Variants in PDE10A observed in about 807,000 individuals in gnomAD.
PDE10A encodes the protein cAMP and cAMP-inhibited cGMP 3',5'-cyclic phosphodiesterase 10A.
PDE10A carries 39 observed loss-of-function variants against 97.7 expected under a neutral mutation model. The ratio of observed to expected loss-of-function variants is 0.40; its 90% CI spans 0.31 to 0.52. The LOEUF is 0.52. Ranked by LOEUF, PDE10A falls within the 20% of genes least tolerant of loss-of-function variation. The pLI is 0.56. For synonymous variants in PDE10A, 371 were observed against 376.8 expected (o/e 0.98, Z 0.18); for missense variants, 731 against 1,047.8 (o/e 0.70, Z 4.17).
intron 1 of PDE10A, among the ~76,000 whole-genome samples, chr6:165,601,121 G>C (rs1361672411): frequency 6.6e-6 from 1 of 152,168 alleles, no homozygotes; most frequent in Non-Finnish European, 1.5e-5. Context: ...TAGAGAATAA[G>C]TCTCATGAAA....
intron 2 of PDE10A, among the ~76,000 whole-genome samples, chr6:165,521,150 T>C (rs1374080045): frequency 6.6e-6 from 1 of 152,182 alleles, no homozygotes; most frequent in Non-Finnish European, 1.5e-5. Context: ...TGATCTTTGA[T>C]GATATTACTG....
At chr6:165,547,361 A>T (rs139933191) in intron 1 of PDE10A, among the ~76,000 whole-genome samples, 12 of 152,256 alleles carry the variant, frequency 7.9e-5, no homozygotes, top group African/African-American at 2.9e-4. Flanking sequence ...AGACTGAATG[A>T]TCAGGGTAAG....
intron 1 of PDE10A, among the ~76,000 whole-genome samples, chr6:165,757,405 T>C (rs1425102097): frequency 6.6e-6 from 1 of 152,196 alleles, no homozygotes; most frequent in Non-Finnish European, 1.5e-5. Flanking sequence ...TATGTATTAA[T>C]CATACATTTT....
intron 1 of PDE10A, among the ~76,000 whole-genome samples, chr6:165,958,585 GAAAGA>G (rs1784242186): frequency 1.0e-5 from 1 of 99,400 alleles, no homozygotes. Flanking sequence ...AAGAAAGACA[GAAAGA>G]GAGAAAGAAA....
At chr6:165,427,530 T>A (rs946587915) in intron 10 of PDE10A, among the ~76,000 whole-genome samples, 1 of 152,130 alleles carries the variant, frequency 6.6e-6, no homozygotes, top group South Asian at 2.1e-4. Flanking sequence ...GGGTATCAAG[T>A]TGCTTTATGA....
At chr6:165,839,769 TC>T (rs758960960) in intron 1 of PDE10A, among the ~76,000 whole-genome samples, 148 of 61,344 alleles carry the variant, frequency 2.4e-3, no homozygotes, top group Admixed American at 7.0e-3. Flanking sequence ...CCTGTCTCCA[TC>T]CCCATCTGCA....
chr6:165,590,678 TCAG>T (rs1786201403), intron 1 of PDE10A, among the ~76,000 whole-genome samples: 1 of 152,024 alleles, frequency 6.6e-6, no homozygotes, highest in South Asian at 2.1e-4. Context: ...GATCACGAGA[TCAG>T]CAGATCGAGA....
At chr6:165,517,445 A>T (rs1373080954) in intron 2 of PDE10A, among the ~76,000 whole-genome samples, 1 of 152,216 alleles carries the variant, frequency 6.6e-6, no homozygotes, top group Non-Finnish European at 1.5e-5. Flanking sequence ...GAAATCTCTC[A>T]TTCTAAAGTA....
At chr6:165,398,929 C>A (rs515698) in intron 13 of PDE10A, among the ~76,000 whole-genome samples, 36,785 of 151,930 alleles carry the variant, frequency 0.24, 6,620 homozygotes, top group African/African-American at 0.51. Flanking sequence ...ATACTGCTTA[C>A]AAGAATTCTA....
chr6:165,645,660 C>G (rs1039522191), intron 1 of PDE10A, among the ~76,000 whole-genome samples: 1 of 151,862 alleles, frequency 6.6e-6, no homozygotes, highest in African/African-American at 2.4e-5. Context: ...TCGAGACCAG[C>G]CTGACCAATA....
At chr6:165,783,991 A>G (rs1391488579) in intron 1 of PDE10A, among the ~76,000 whole-genome samples, 1 of 152,072 alleles carries the variant, frequency 6.6e-6, no homozygotes, top group Admixed American at 6.5e-5. Flanking sequence ...AGGCCAAGGC[A>G]GGTGGATCAC....
chr6:165,891,925 C>G (rs6938224), intron 1 of PDE10A, among the ~76,000 whole-genome samples: 70,029 of 150,586 alleles, frequency 0.47, 16,435 homozygotes, highest in East Asian at 0.66. Flanking sequence ...GGTTTCTTGC[C>G]CTTGTATGGA....
chr6:165,368,364 G>C (rs556308905), intron 18 of PDE10A, among the ~76,000 whole-genome samples: 1 of 152,116 alleles, frequency 6.6e-6, no homozygotes, highest in Non-Finnish European at 1.5e-5. Context: ...TATGTGGGGT[G>C]TATAACATAT....
rs763843637 is a variant in PDE10A at position 165,819,696 on chromosome 6, T to G, written c.-615+167833A>C. Reference sequence around the variant, plus strand: ...TGTCAGTGTGCTGGATTTCACTGACTGTGCACCACGTACTCCTCACCCGCC... The same window carrying G: ...TGTCAGTGTGCTGGATTTCACTGACGGTGCACCACGTACTCCTCACCCGCC... On this transcript the variant is annotated intron_variant, in intron 1 of 19. Transcript: ENST00000366882. The surrounding 1 kb of genome is among the most constrained non-coding windows in gnomAD (Gnocchi z 4.2). Among the ~76,000 whole-genome samples the G allele has an allele frequency of 2.6e-5, 4 of 152,184 alleles. No homozygotes were observed. Among genetic ancestry groups the G allele is most frequent in the Non-Finnish European group, 5.9e-5 (4 of 68,028 alleles).
chr6:165,615,998 A>G (rs1020763232), intron 1 of PDE10A, among the ~76,000 whole-genome samples: 1 of 152,220 alleles, frequency 6.6e-6, no homozygotes, highest in African/African-American at 2.4e-5. Flanking sequence ...TTTTACCCAC[A>G]AATTTGAATT....
chr6:165,789,266 C>T (rs80083199), intron 1 of PDE10A, among the ~76,000 whole-genome samples: 3,316 of 152,236 alleles, frequency 0.022, 64 homozygotes, highest in East Asian at 0.062. Context: ...TTTCATAATC[C>T]TCCAGTAAAT....
chr6:165,614,155 C>G (rs1340457387), intron 1 of PDE10A, among the ~76,000 whole-genome samples: 1 of 152,196 alleles, frequency 6.6e-6, no homozygotes, highest in Non-Finnish European at 1.5e-5. Context: ...TTTAGTCCAC[C>G]ACTCTACTGA....
At chr6:165,382,283 A>G (rs1784986628) in intron 17 of PDE10A, among the ~76,000 whole-genome samples, 1 of 152,194 alleles carries the variant, frequency 6.6e-6, no homozygotes, top group African/African-American at 2.4e-5. Context: ...AATCATAAGG[A>G]TCCTAAAGGC....
intron 18 of PDE10A, among the ~76,000 whole-genome samples, chr6:165,349,131 G>C (rs761778433): frequency 6.6e-6 from 1 of 152,204 alleles, no homozygotes; most frequent in East Asian, 1.9e-4. Flanking sequence ...ACAGGCAGAC[G>C]TAAGAAGAGT....
Sources: allele counts gnomAD v4.1 joint callset (sites outside exome capture counted in the v4.1 genomes callset), GRCh38; gene constraint gnomAD v4.1.1; non-coding constraint Gnocchi (gnomAD v3.1); transcripts MANE v1.5; gene names NCBI Gene and HGNC (gene_info 2026-07-23, HGNC 2026-07-21).